The following MED13L variants were observed in gnomAD, a reference collection of about 807,000 sequenced individuals.
MED13L encodes the protein mediator of RNA polymerase II transcription subunit 13-like.
Under a neutral mutation model 220.9 loss-of-function variants are expected in MED13L, and 7 were observed. That is an observed-to-expected ratio of 0.03 (90% CI 0.02 to 0.06). The LOEUF is 0.06. MED13L is among the 10% of genes least tolerant of loss of function. The probability of loss-of-function intolerance (pLI) is 1.00; values close to 1 mark genes in which losing one functional copy is unlikely to be tolerated. For missense variants in MED13L, 1,965 were observed against 2,760.5 expected (o/e 0.71, Z 6.46); for synonymous variants, 1,011 against 1,015.2 (o/e 1.00, Z 0.08).
In MED13L at chr12:116,006,309, T is replaced by A. The variant is rs1879043092; in HGVS notation, c.2341A>T (p.Thr781Ser). Residue 781 changes from threonine to serine, a missense_variant, in exon 12 of 31, where the codon ACA becomes TCA. By Grantham distance (58) the Thr-to-Ser change is moderately conservative (BLOSUM62 1). Around this residue, in one of 10 missense-constraint regions of MED13L, gnomAD observed 818 missense variants for 1,041.2 expected, o/e 0.79. Transcript: ENST00000281928. ...GGCAAATAATCATTGTACACACCTG[T>A]TTTAGTAGCAGAACTGAAAATAGAC... Reference protein sequence around the residue: ...AMSIFSSATKTDVRQDNAAGR... With the variant: ...AMSIFSSATKSDVRQDNAAGR... 1 of 1,613,238 alleles carries A rather than the reference T, an allele frequency of 6.2e-7. No homozygotes were observed. The highest frequency in any genetic ancestry group is 2.2e-5 in the East Asian group (1 of 44,866).
rs760151607 is a variant in MED13L at position 116,019,736 on chromosome 12, GGAA to G, written c.820+39_820+41del. 1.3e-5 allele frequency: 21 copies of G among 1,557,202 alleles called. No homozygotes were observed. The South Asian group carries it at 2.3e-4, about 17-fold the overall frequency. On this transcript the variant is annotated intron_variant, in intron 6 of 30. Coordinates refer to ENST00000281928, the MANE Select transcript of MED13L (RefSeq NM_015335.5). The stretch of plus-strand genomic sequence containing the variant: ...GATTATCTTTTTAAATTAAGGAAGA[GGAA>G]GAAGAATAAAGTTCTTCAGGCAAAA...
intron 2 of MED13L, among the ~76,000 whole-genome samples, chr12:116,119,144 C>A (rs914341455): frequency 6.6e-6 from 1 of 152,130 alleles, no homozygotes; most frequent in East Asian, 1.9e-4. Flanking sequence ...AATATAATCA[C>A]CCCTAACGGA....
Position 116,277,160 on chromosome 12 carries a change from G to T in MED13L, c.-29C>A. 6.5e-7 allele frequency: 1 copy of T among 1,532,184 alleles called. No homozygotes were observed. Among genetic ancestry groups the T allele is most frequent in the Non-Finnish European group, 8.8e-7 (1 of 1,136,712 alleles). 94.9% of individuals were successfully genotyped at this position (1,532,184 alleles called of 1,614,324 possible). A position where few individuals can be genotyped will look rare whatever the true frequency, so the allele number is the denominator to read the frequency against. ...CCTCCGCGAGCCCGGCCGCCAGAGC[G>T]GGGCATGTCGGAGCGAGGCGTCCGA... is the stretch of plus-strand genomic sequence containing the variant. On this transcript the variant is annotated 5_prime_UTR_variant, in exon 1 of 31. Coordinates refer to ENST00000281928, the MANE Select transcript of MED13L (RefSeq NM_015335.5).
chr12:116,083,269 T>C (rs1446049710), intron 4 of MED13L, among the ~76,000 whole-genome samples: 1 of 151,544 alleles, frequency 6.6e-6, no homozygotes, highest in Non-Finnish European at 1.5e-5. Flanking sequence ...CTAGGCATGG[T>C]GGTACATGCC....
intron 28 of MED13L, 49 bp downstream of exon 28, chr12:115,968,891 T>G: frequency 6.2e-7 from 1 of 1,603,898 alleles, no homozygotes; most frequent in Non-Finnish European, 8.5e-7. Flanking sequence ...TGGATTATCT[T>G]CCTAAAGGCT....
chr12:116,079,244 A>G (rs528601274), intron 4 of MED13L, among the ~76,000 whole-genome samples: 13 of 152,032 alleles, frequency 8.6e-5, no homozygotes, highest in African/African-American at 2.4e-4. Context: ...GGTTTTTTTG[A>G]GATGGTCTCG....
chr12:116,129,430 G>A (rs1875871143), intron 2 of MED13L, among the ~76,000 whole-genome samples: 1 of 152,138 alleles, frequency 6.6e-6, no homozygotes, highest in African/African-American at 2.4e-5. Context: ...CTTTCAATTA[G>A]TCATACACTG....
chr12:116,262,633 T>C (rs942866001), intron 1 of MED13L, among the ~76,000 whole-genome samples: 12 of 152,248 alleles, frequency 7.9e-5, no homozygotes, highest in African/African-American at 2.9e-4. Flanking sequence ...GCTACTCATC[T>C]TAACATTCAT....
At chr12:116,260,919 G>A (rs1453825012) in intron 1 of MED13L, among the ~76,000 whole-genome samples, 1 of 152,156 alleles carries the variant, frequency 6.6e-6, no homozygotes, top group African/African-American at 2.4e-5. Flanking sequence ...AAAAGTAGAT[G>A]CTCTAGGTAA....
At chr12:116,223,936 C>T (rs1409600743) in intron 2 of MED13L, among the ~76,000 whole-genome samples, 1 of 152,144 alleles carries the variant, frequency 6.6e-6, no homozygotes, top group East Asian at 1.9e-4. Flanking sequence ...ATAATCTTTA[C>T]ACAAACTTCT....
intron 2 of MED13L, among the ~76,000 whole-genome samples, chr12:116,187,412 T>C (rs1459495744): frequency 1.3e-5 from 2 of 152,188 alleles, no homozygotes; most frequent in Admixed American, 6.5e-5. Flanking sequence ...ACACAAATAA[T>C]GCTCCTATGT....
At chr12:116,184,376 C>G (rs554680317) in intron 2 of MED13L, among the ~76,000 whole-genome samples, 14 of 152,170 alleles carry the variant, frequency 9.2e-5, no homozygotes, top group African/African-American at 3.1e-4. Context: ...ACTATACTTT[C>G]AAGAAATGTG....
At chr12:116,239,680 G>C (rs1017747724) in intron 1 of MED13L, among the ~76,000 whole-genome samples, 2 of 152,114 alleles carry the variant, frequency 1.3e-5, no homozygotes, top group African/African-American at 4.8e-5. Context: ...TTCCTTTAAA[G>C]AGATTGCTTG....
intron 1 of MED13L, among the ~76,000 whole-genome samples, chr12:116,271,963 A>G (rs1248988957): frequency 2.0e-5 from 3 of 152,170 alleles, no homozygotes; most frequent in Non-Finnish European, 4.4e-5. Context: ...GAACATTGTT[A>G]TTATTGTTAT....
intron 4 of MED13L, among the ~76,000 whole-genome samples, chr12:116,065,363 A>G (rs1434734408): frequency 6.6e-6 from 1 of 152,228 alleles, no homozygotes; most frequent in Non-Finnish European, 1.5e-5. Context: ...ATATGCATAT[A>G]TATGCTGAGT....
At chr12:116,178,628 T>C (rs1439631380) in intron 2 of MED13L, among the ~76,000 whole-genome samples, 1 of 152,248 alleles carries the variant, frequency 6.6e-6, no homozygotes, top group African/African-American at 2.4e-5. Context: ...ACTTCTGCAC[T>C]GTTCTTACAA....
intron 30 of MED13L, chr12:115,962,857 T>G (rs1875864643): frequency 5.8e-6 from 1 of 172,452 alleles, no homozygotes; most frequent in Non-Finnish European, 1.3e-5. Context: ...CCGTCTCTAC[T>G]AAAAATACAA....
intron 1 of MED13L, among the ~76,000 whole-genome samples, chr12:116,275,028 C>A (rs1314095062): frequency 6.6e-6 from 1 of 151,542 alleles, no homozygotes; most frequent in Non-Finnish European, 1.5e-5. Context: ...ATGATATACC[C>A]TAAAGACTGG....
chr12:116,141,810 G>C (rs1877101032), intron 2 of MED13L, among the ~76,000 whole-genome samples: 1 of 152,044 alleles, frequency 6.6e-6, no homozygotes, highest in Non-Finnish European at 1.5e-5. Flanking sequence ...GCTCACTCAT[G>C]AGCTAACTGG....
Sources: gnomAD v4.1 joint callset for allele counts (sites outside exome capture counted in the v4.1 genomes callset) on GRCh38, gnomAD v4.1.1 for gene constraint, gnomAD v4.1.1 regional missense constraint, MANE v1.5 for transcripts, NCBI Gene and HGNC (gene_info 2026-07-23, HGNC 2026-07-21) for gene names.